PTPRZ1: variants seen among roughly 807,000 people sequenced by gnomAD.
PTPRZ1 encodes the protein protein tyrosine phosphatase receptor type Z1.
In PTPRZ1, 82 loss-of-function variants were observed where a neutral mutation model predicts 214.1. The ratio of observed to expected loss-of-function variants is 0.38; its 90% CI spans 0.32 to 0.46. PTPRZ1 has a LOEUF of 0.46. Among genes scored for constraint, PTPRZ1 ranks in the 20% least tolerant of loss-of-function variants. PTPRZ1 has a pLI of 1.00. For missense variants in PTPRZ1, 2,603 were observed against 2,748.7 expected (o/e 0.95, Z 1.19); for synonymous variants, 945 against 987.9 (o/e 0.96, Z 0.81).
At chr7:121,898,883 A>G (rs1794880221) in intron 1 of PTPRZ1, among the ~76,000 whole-genome samples, 1 of 152,180 alleles carries the variant, frequency 6.6e-6, no homozygotes, top group African/African-American at 2.4e-5. Context: ...AAGAAGTAAA[A>G]TAGGGCATGG....
At chr7:121,937,162 G>C (rs182364759) in intron 2 of PTPRZ1, among the ~76,000 whole-genome samples, 42 of 152,236 alleles carry the variant, frequency 2.8e-4, no homozygotes, top group Admixed American at 8.5e-4. Context: ...TTGCATAATT[G>C]TGCAATTGCA....
intron 1 of PTPRZ1, among the ~76,000 whole-genome samples, chr7:121,878,131 C>T (rs995938220): frequency 3.3e-5 from 5 of 152,076 alleles, no homozygotes; most frequent in African/African-American, 9.7e-5. Context: ...TATCATATAG[C>T]ACAATCTTAA....
intron 1 of PTPRZ1, among the ~76,000 whole-genome samples, chr7:121,877,610 A>T (rs1794101044): frequency 6.6e-6 from 1 of 152,210 alleles, no homozygotes; most frequent in South Asian, 2.1e-4. Flanking sequence ...AGTGCCCGAC[A>T]TCTGCAAGGC....
chr7:122,030,672 T>C (rs1305307874), intron 14 of PTPRZ1, among the ~76,000 whole-genome samples: 1 of 152,038 alleles, frequency 6.6e-6, no homozygotes, highest in Middle Eastern at 3.2e-3. Flanking sequence ...TCTGTTGCTA[T>C]AAATAACTGT....
intron 1 of PTPRZ1, among the ~76,000 whole-genome samples, chr7:121,898,466 A>G (rs1294329444): frequency 2.0e-5 from 3 of 152,144 alleles, no homozygotes; most frequent in African/African-American, 7.2e-5. Flanking sequence ...TGTAATAGAT[A>G]TTGTCTCCAT....
chr7:121,916,252 G>A (rs947741926), intron 1 of PTPRZ1, among the ~76,000 whole-genome samples: 43 of 140,030 alleles, frequency 3.1e-4, no homozygotes, highest in African/African-American at 1.1e-3. Context: ...CCTGACTGGC[G>A]ACAGAGTGGG....
At chr7:121,961,958 C>T (rs1796893202) in intron 2 of PTPRZ1, among the ~76,000 whole-genome samples, 1 of 152,148 alleles carries the variant, frequency 6.6e-6, no homozygotes, top group Non-Finnish European at 1.5e-5. Context: ...ATGTGTTAAT[C>T]AGCCTGATAA....
Position 121,909,421 on chromosome 7 carries a change from G to C in PTPRZ1, c.59-18735G>C, listed in dbSNP as rs746185731. On this transcript the variant is annotated intron_variant, in intron 1 of 29. Transcript: ENST00000393386. ...TGAGAGGATTTCGGGGAGGAAAGTG[G>C]AAATTCTATATTACTTATTCATTGA... is the stretch of plus-strand genomic sequence containing the variant. Among the ~76,000 whole-genome samples, 120 of 152,246 alleles carry C rather than the reference G, an allele frequency of 7.9e-4. 1 individual carries two copies. The highest frequency in any genetic ancestry group is 1.1e-3 in the Non-Finnish European group (75 of 68,024).
chr7:122,045,713 CAAT>C (rs1554369612), intron 23 of PTPRZ1, among the ~76,000 whole-genome samples: 2 of 150,480 alleles, frequency 1.3e-5, no homozygotes, highest in Non-Finnish European at 3.0e-5. Flanking sequence ...CACACACACA[CAAT>C]ATTACCCATT....
intron 1 of PTPRZ1, among the ~76,000 whole-genome samples, chr7:121,898,966 G>A (rs963120921): frequency 1.6e-4 from 24 of 152,222 alleles, no homozygotes; most frequent in Non-Finnish European, 2.2e-4. Context: ...CAAGTCCAGT[G>A]TAAACTTTTA....
intron 1 of PTPRZ1, among the ~76,000 whole-genome samples, chr7:121,898,445 T>C (rs1486849754): frequency 6.6e-6 from 1 of 152,236 alleles, no homozygotes; most frequent in Non-Finnish European, 1.5e-5. Context: ...TTTGAATAGC[T>C]GTAATATAAA....
At chr7:122,050,960 G>A (rs1232028760) in intron 23 of PTPRZ1, among the ~76,000 whole-genome samples, 1 of 152,058 alleles carries the variant, frequency 6.6e-6, no homozygotes, top group Non-Finnish European at 1.5e-5. Flanking sequence ...GCAAAACACT[G>A]CAAATACCCA....
chr7:121,984,026 C>T lies in PTPRZ1; in HGVS notation c.837C>T (p.Asp279=). Residue 279 remains aspartate (D), a synonymous_variant, in exon 8 of 30, where the codon GAC becomes GAT. Transcript: ENST00000393386. ...AATCTGGTTATGTCATGCTGATGGACTACTTACAAAACAATTTTCGAGAGC... is the reference window on the plus strand; with the variant it reads ...AATCTGGTTATGTCATGCTGATGGATTACTTACAAAACAATTTTCGAGAGC... ...MQQSGYVMLM[D]YLQNNFREQQ... 1 of 1,613,498 alleles carries T rather than the reference C, an allele frequency of 6.2e-7. No individual in the cohort carries two copies. Among genetic ancestry groups the T allele is most frequent in the Non-Finnish European group, 8.5e-7 (1 of 1,179,646 alleles).
intron 1 of PTPRZ1, among the ~76,000 whole-genome samples, chr7:121,902,922 G>A (rs1795010284): frequency 1.3e-5 from 2 of 152,012 alleles, no homozygotes; most frequent in South Asian, 2.1e-4. Flanking sequence ...GCCATGCAGT[G>A]TAATGTTGAA....
Position 121,984,045 on chromosome 7 carries a change from C to T in PTPRZ1, c.856C>T (p.Arg286Ter), listed in dbSNP as rs771283585. The change falls in exon 8 of 30, where the codon CGA (arginine) becomes TGA (stop). Residue 286 changes from arginine to a stop codon, truncating the protein, a stop_gained. Coordinates refer to ENST00000393386, the MANE Select transcript of PTPRZ1 (RefSeq NM_002851.3). LOFTEE classifies it high-confidence loss of function. Reference protein sequence around the residue: ...MLMDYLQNNFREQQYKFSRQV... With the variant: ...MLMDYLQNNF ...GATGGACTACTTACAAAACAATTTT[C>T]GAGAGCAACAGTACAAGTTCTCTAG... 9 of 1,613,328 alleles carry T rather than the reference C, an allele frequency of 5.6e-6. No individual in the cohort carries two copies. The highest frequency in any genetic ancestry group is 1.7e-5 in the Admixed American group (1 of 59,982).
At chr7:121,911,701 G>A (rs1222777725) in intron 1 of PTPRZ1, among the ~76,000 whole-genome samples, 1 of 151,738 alleles carries the variant, frequency 6.6e-6, no homozygotes, top group African/African-American at 2.4e-5. Context: ...GGAAGGTATG[G>A]TTGTAAAAGC....
At chr7:121,971,473 T>A (rs1797247363) in intron 3 of PTPRZ1, among the ~76,000 whole-genome samples, 1 of 151,516 alleles carries the variant, frequency 6.6e-6, no homozygotes, top group Admixed American at 6.6e-5. Flanking sequence ...TAGGGGAGAG[T>A]GGTTATTAGA....
At chr7:121,976,073 A>G in intron 4 of PTPRZ1, 100 bp from the exon 5 acceptor site, 1 of 734,400 alleles carries the variant, frequency 1.4e-6, no homozygotes, top group Non-Finnish European at 2.2e-6. Flanking sequence ...TATACATGTA[A>G]TTTATAAAAG....
At position 122,053,158 on chromosome 7, in the gene PTPRZ1, G is replaced by T. The variant is rs777290998; in HGVS notation, c.6253-752G>T. 2.0e-5 allele frequency among the ~76,000 whole-genome samples: 3 copies of T among 152,252 alleles called. No homozygotes were observed. The South Asian group carries it at 6.2e-4, about 32-fold the overall frequency. On this transcript the variant is annotated intron_variant, in intron 25 of 29. Coordinates refer to ENST00000393386, the MANE Select transcript of PTPRZ1 (RefSeq NM_002851.3). ...CTTAGGCAGAGCAAGCAGGGAAAGA[G>T]AGAAAAGGACCCATGGACCAATGCC...
Sources: gnomAD v4.1 joint callset for allele counts (sites outside exome capture counted in the v4.1 genomes callset) on GRCh38, gnomAD v4.1.1 for gene constraint, MANE v1.5 for transcripts, NCBI Gene and HGNC (gene_info 2026-07-23, HGNC 2026-07-21) for gene names.